NF1: variants seen among roughly 807,000 people sequenced by gnomAD.
NF1 encodes the protein neurofibromin 1.
NF1 carries 122 observed loss-of-function variants against 325.7 expected under a neutral mutation model. The observed-to-expected ratio is 0.37, with a 90% confidence interval of 0.32 to 0.44. The LOEUF is 0.44. Among genes scored for constraint, NF1 ranks in the 20% least tolerant of loss-of-function variants. The pLI is 1.00. For missense variants in NF1, 2,140 were observed against 3,415.4 expected, an observed-to-expected ratio of 0.63 and a Z score of 9.31; for synonymous variants, 1,091 against 1,186.0, an observed-to-expected ratio of 0.92 and a Z score of 1.65.
Position 31,236,008 on chromosome 17 carries a change from G to A in NF1, c.3961G>A (p.Val1321Met). 6.2e-7 allele frequency: 1 copy of A among 1,613,184 alleles called. No individual in the cohort carries two copies. The highest frequency in any genetic ancestry group is 8.5e-7 in the Non-Finnish European group (1 of 1,179,586). ...TGATTGGCAACATGTTAGCTTTGAA[G>A]TGGATCCTACCAGGTTTGTCATCTT... is the stretch of plus-strand genomic sequence containing the variant. ...SSDWQHVSFEVDPTRLEPSES... is the reference protein window; with the variant it reads ...SSDWQHVSFEMDPTRLEPSES... Residue 1321 changes from valine to methionine, a missense_variant, in exon 29 of 58, where the codon GTG (valine) becomes ATG (methionine). Around this residue, in one of 10 missense-constraint regions of NF1, gnomAD observed 336 missense variants for 399.0 expected, o/e 0.84. Coordinates refer to ENST00000358273, the MANE Select transcript of NF1 (RefSeq NM_001042492.3).
At chr17:31,298,749 A>C (rs1367195334) in intron 36 of NF1, among the ~76,000 whole-genome samples, 1 of 152,120 alleles carries the variant, frequency 6.6e-6, no homozygotes, top group African/African-American at 2.4e-5. Context: ...TGTTAAAAAT[A>C]CTACATTCAG....
chr17:31,100,157 G>T (rs928720832), intron 1 of NF1, among the ~76,000 whole-genome samples: 3 of 152,096 alleles, frequency 2.0e-5, no homozygotes, highest in Non-Finnish European at 4.4e-5. Flanking sequence ...ATATGTTATG[G>T]AATAAACTCT....
At chr17:31,173,453 G>A (rs1038006459) in intron 5 of NF1, among the ~76,000 whole-genome samples, 2 of 151,812 alleles carry the variant, frequency 1.3e-5, no homozygotes, top group African/African-American at 4.8e-5. Flanking sequence ...AAAATTAGCC[G>A]GGTGTGGTGG....
At chr17:31,302,847 A>G (rs2068607717) in intron 36 of NF1, among the ~76,000 whole-genome samples, 1 of 152,200 alleles carries the variant, frequency 6.6e-6, no homozygotes, top group African/African-American at 2.4e-5. Flanking sequence ...TCTGTCTCGA[A>G]CAAAAGTACT....
chr17:31,231,966 T>G (rs2067118995), intron 24 of NF1, 107 bp from the exon 25 acceptor site: 1 of 679,428 alleles, frequency 1.5e-6, no homozygotes, highest in Non-Finnish European at 2.5e-6. Flanking sequence ...AAATAGGTAG[T>G]TCCTAAGGTT....
At chr17:31,134,450 T>G (rs1915610803) in intron 1 of NF1, among the ~76,000 whole-genome samples, 1 of 152,236 alleles carries the variant, frequency 6.6e-6, no homozygotes, top group African/African-American at 2.4e-5. Context: ...CTTTATGACC[T>G]TGAACATATT....
chr17:31,293,528 G>T (rs1245954871), intron 36 of NF1, among the ~76,000 whole-genome samples: 4 of 152,130 alleles, frequency 2.6e-5, no homozygotes, highest in Non-Finnish European at 5.9e-5. Flanking sequence ...TTTTGTTGAA[G>T]CTTAATGGTA....
At chr17:31,311,491 TA>T (rs2068875210) in intron 36 of NF1, among the ~76,000 whole-genome samples, 1 of 152,188 alleles carries the variant, frequency 6.6e-6, no homozygotes, top group African/African-American at 2.4e-5. Flanking sequence ...TATCTCTAAC[TA>T]GTGAAGTTTT....
Position 31,232,984 on chromosome 17 carries a change from T to A in NF1, c.3497-18T>A, listed in dbSNP as rs766124844. ...GCAAGGCCATGTTAGTAAATTTGCA[T>A]CTGTTTGTCCACATTAGGCTTAGGT... On this transcript the variant is annotated intron_variant, in intron 26 of 57. Coordinates refer to ENST00000358273, the MANE Select transcript of NF1 (RefSeq NM_001042492.3). 1.9e-6 allele frequency: 3 copies of A among 1,614,016 alleles called. No individual in the cohort carries two copies. The highest frequency in any genetic ancestry group is 2.7e-5 in the African/African-American group (2 of 74,924).
rs556245606 is a variant in NF1, at chr17:31,160,414, T to C, written c.288+1321T>C. On this transcript the variant is annotated intron_variant, in intron 3 of 57. Transcript: ENST00000358273. ...AAGCATAATATTTTAAATTTTCTTA[T>C]TGACCGTTGACCATATTCCAAAATT... 4.4e-4 allele frequency among the ~76,000 whole-genome samples: 67 copies of C among 152,298 alleles called. 1 individual carries two copies. The South Asian group carries it at 0.013, about 31-fold the overall frequency.
At chr17:31,300,327 C>T (rs1203522596) in intron 36 of NF1, among the ~76,000 whole-genome samples, 1 of 151,896 alleles carries the variant, frequency 6.6e-6, no homozygotes, top group Admixed American at 6.6e-5. Flanking sequence ...ATTAACATTT[C>T]TTTTTGAAAA....
At chr17:31,295,114 C>G (rs759052952) in intron 36 of NF1, 1 of 1,614,156 alleles carries the variant, frequency 6.2e-7, no homozygotes, top group Non-Finnish European at 8.5e-7. Context: ...TTGTGGTTGT[C>G]TCTTCCCTCC....
chr17:31,238,831 C>T (rs978042603), intron 29 of NF1, among the ~76,000 whole-genome samples: 1 of 152,076 alleles, frequency 6.6e-6, no homozygotes, highest in Non-Finnish European at 1.5e-5. Flanking sequence ...TACTTCCCTT[C>T]CCCAGTATCC....
In NF1 at chr17:31,185,000, C is replaced by T. The variant is rs571503409; in HGVS notation, c.888+2335C>T. On this transcript the variant is annotated intron_variant, in intron 8 of 57. Transcript: ENST00000358273. ...CTCTGAGTTTGTAAACTCTGATGAA[C>T]CTTTTTTGCCAGAAGAAACAGCTTC... 1.0e-3 allele frequency among the ~76,000 whole-genome samples: 157 copies of T among 152,274 alleles called. 2 individuals are homozygous for T. Among genetic ancestry groups the T allele is most frequent in the African/African-American group, 3.5e-3 (146 of 41,564 alleles).
intron 1 of NF1, among the ~76,000 whole-genome samples, chr17:31,126,039 T>G (rs1412315718): frequency 6.6e-6 from 1 of 152,120 alleles, no homozygotes; most frequent in Non-Finnish European, 1.5e-5. Context: ...TACAAAAAAA[T>G]TAGCTGGACG....
At chr17:31,295,134 G>A in intron 36 of NF1, 1 of 1,614,140 alleles carries the variant, frequency 6.2e-7, no homozygotes, top group East Asian at 2.2e-5. Context: ...CATAAGTTAA[G>A]GGTTGTGCTT....
At position 31,352,324 on chromosome 17, in the gene NF1, C is replaced by T. The variant is rs886052803; in HGVS notation, c.7525C>T (p.Pro2509Ser). 1.2e-6 allele frequency: 2 copies of T among 1,614,018 alleles called. No individual in the cohort carries two copies. The highest frequency in any genetic ancestry group is 1.7e-6 in the Non-Finnish European group (2 of 1,180,018). The change falls in exon 51 of 58, where the codon CCA becomes TCA. Residue 2509 changes from proline to serine, a missense_variant. Around this residue, in one of 10 missense-constraint regions of NF1, gnomAD observed 522 missense variants for 749.0 expected, o/e 0.70. Transcript: ENST00000358273. ...TGAAGGATACCTTGCAGCCACCTAT[C>T]CAACTGTCGGCCAGACCAGTCCCCG... ...GSEGYLAATYPTVGQTSPRAR... is the reference protein window; with the variant it reads ...GSEGYLAATYSTVGQTSPRAR...
Position 31,262,356 on chromosome 17 carries a change from G to T in NF1, c.4724+499G>T, listed in dbSNP as rs2067700641. Among the ~76,000 whole-genome samples the T allele has an allele frequency of 2.6e-5, 4 of 152,158 alleles. No homozygotes were observed. The South Asian group carries it at 8.3e-4, about 32-fold the overall frequency. On this transcript the variant is annotated intron_variant, in intron 35 of 57. Transcript: ENST00000358273. Reference sequence around the variant, plus strand: ...TCAGTATTGCTATAAAATTTCTGTGGACATTTGTTTGAATCCCATTTAGTG... The same window carrying T: ...TCAGTATTGCTATAAAATTTCTGTGTACATTTGTTTGAATCCCATTTAGTG...
rs876660487 is a variant in NF1 at position 31,326,098 on chromosome 17, G to A, written c.5114G>A (p.Arg1705Lys). The A allele has an allele frequency of 6.2e-7, 1 of 1,613,616 alleles. No individual in the cohort carries two copies. Among genetic ancestry groups the A allele is most frequent in the Middle Eastern group, 1.6e-4 (1 of 6,062 alleles). ...RLLTGLKGSK[R>K]LVFIDCPGKL... The stretch of plus-strand genomic sequence containing the variant: ...CTGACTGGCCTCAAAGGTAGCAAAA[G>A]GCTTGTTTTCATAGACTGTCCTGGG... The change falls in exon 37 of 58, where the codon AGG (arginine) becomes AAG (lysine). Residue 1705 changes from arginine (R) to lysine (K), a missense_variant. By Grantham distance (26) the Arg-to-Lys change is conservative. Around this residue, in one of 10 missense-constraint regions of NF1, gnomAD observed 147 missense variants for 186.7 expected, o/e 0.79. Transcript: ENST00000358273.
Sources: allele counts gnomAD v4.1 joint callset (sites outside exome capture counted in the v4.1 genomes callset), GRCh38; gene constraint gnomAD v4.1.1; regional missense constraint gnomAD v4.1.1; transcripts MANE v1.5; gene names NCBI Gene and HGNC (gene_info 2026-07-23, HGNC 2026-07-21).